Variants in ONECUT2 observed in about 807,000 individuals in gnomAD.
ONECUT2 encodes the protein one cut homeobox 2.
Under a neutral mutation model 27.9 loss-of-function variants are expected in ONECUT2, and 10 were observed. That is an observed-to-expected ratio of 0.36 (90% CI 0.22 to 0.61). The LOEUF is 0.61. ONECUT2 is among the 20% of genes least tolerant of loss of function. ONECUT2 has a pLI of 0.73. For missense variants in ONECUT2, 686 were observed against 721.0 expected (o/e 0.95, Z 0.56); for synonymous variants, 334 against 315.1 (o/e 1.06, Z -0.64).
intron 1 of ONECUT2, among the ~76,000 whole-genome samples, chr18:57,442,928 A>C (rs998490607): frequency 2.0e-5 from 3 of 152,044 alleles, no homozygotes; most frequent in Non-Finnish European, 2.9e-5. Flanking sequence ...AGGGAAGGAG[A>C]GCCAGCCTCT....
intron 1 of ONECUT2, among the ~76,000 whole-genome samples, chr18:57,438,721 G>A (rs1263813210): frequency 2.6e-5 from 4 of 152,158 alleles, no homozygotes; most frequent in Non-Finnish European, 5.9e-5. Context: ...GGCGGACTCC[G>A]GATACTTTGA....
At position 57,476,976 on chromosome 18, in the gene ONECUT2, G is replaced by T. The variant is rs2050386875; in HGVS notation, c.*253G>T. 1 of 486,372 alleles carries T rather than the reference G, an allele frequency of 2.1e-6. No individual in the cohort carries two copies. Among genetic ancestry groups the T allele is most frequent in the East Asian group, 3.7e-5 (1 of 26,988 alleles). The allele number at this position is 486,372 out of a possible 1,614,324, so 30.1% of individuals were successfully genotyped here. A position where few individuals can be genotyped will look rare whatever the true frequency, so the allele number is the denominator to read the frequency against. On this transcript the variant is annotated 3_prime_UTR_variant, in exon 2 of 2. Coordinates refer to ENST00000491143, the MANE Select transcript of ONECUT2 (RefSeq NM_004852.3). ...CTTAGAACCAGACACTGTTCTCTGA[G>T]CATGCTAAGCATCCCAGAAACCCAA...
At chr18:57,474,148 G>C (rs2050369062) in intron 1 of ONECUT2, among the ~76,000 whole-genome samples, 1 of 152,196 alleles carries the variant, frequency 6.6e-6, no homozygotes, top group Non-Finnish European at 1.5e-5. Flanking sequence ...AGAAAGTTTA[G>C]CCAAGCTGAT....
At chr18:57,473,068 G>C (rs2050362705) in intron 1 of ONECUT2, among the ~76,000 whole-genome samples, 1 of 152,210 alleles carries the variant, frequency 6.6e-6, no homozygotes. Context: ...AAGCATAGTG[G>C]TTTCTACATC....
chr18:57,455,255 C>T (rs1308619270), intron 1 of ONECUT2, among the ~76,000 whole-genome samples: 4 of 152,286 alleles, frequency 2.6e-5, no homozygotes, highest in Non-Finnish European at 4.4e-5. Flanking sequence ...AAATTAGGAT[C>T]CTTAACAAGA....
intron 1 of ONECUT2, 85 bp downstream of exon 1, chr18:57,437,029 C>T: frequency 7.4e-6 from 11 of 1,478,100 alleles, no homozygotes; most frequent in Non-Finnish European, 9.0e-6. Context: ...CGCGCCGAGT[C>T]ACTTCTCTTG....
intron 1 of ONECUT2, among the ~76,000 whole-genome samples, chr18:57,462,180 T>C (rs1336101656): frequency 6.6e-6 from 1 of 152,242 alleles, no homozygotes; most frequent in Non-Finnish European, 1.5e-5. Context: ...GAGCATCTTT[T>C]CATGTAATTT....
At chr18:57,467,169 T>C (rs1471349777) in intron 1 of ONECUT2, 1 of 456,500 alleles carries the variant, frequency 2.2e-6, no homozygotes, top group East Asian at 6.9e-5. Flanking sequence ...GAGAATGTCT[T>C]TGAAGCTTGG....
intron 1 of ONECUT2, among the ~76,000 whole-genome samples, chr18:57,461,011 G>A (rs1021074863): frequency 6.6e-6 from 1 of 152,190 alleles, no homozygotes; most frequent in African/African-American, 2.4e-5. Context: ...TCCTCAGCAA[G>A]TAAAAATAAG....
chr18:57,470,753 CCCTTA>C (rs149172950), intron 1 of ONECUT2, among the ~76,000 whole-genome samples: 7,373 of 151,962 alleles, frequency 0.049, 641 homozygotes, highest in East Asian at 0.36. Context: ...GATACTGTCC[CCCTTA>C]CCTTACCCTC....
chr18:57,450,593 A>G (rs1423642373), intron 1 of ONECUT2, among the ~76,000 whole-genome samples: 1 of 152,262 alleles, frequency 6.6e-6, no homozygotes, highest in South Asian at 2.1e-4. Context: ...ATAGAGAAAC[A>G]GGGCTTGTGA....
rs747815050 is a variant in ONECUT2, at chr18:57,436,230, C to T, written c.514C>T (p.Pro172Ser). ...GTCTGACAAGTTCCACCACCCTCAC[C>T]CGCACCACCATCCGCACCACCACCA... ...TVSDKFHHPH[P>S]HHHPHHHHHH... is the part of the protein sequence containing the mutation. The change falls in exon 1 of 2, where the codon CCG (proline) becomes TCG (serine). Residue 172 changes from proline to serine, a missense_variant. Around this residue, in one of 4 missense-constraint regions of ONECUT2, gnomAD observed 511 missense variants for 488.1 expected, o/e 1.05. Transcript: ENST00000491143. This position sits in a 1 kb window ranked among gnomAD's most constrained non-coding sequence, Gnocchi z 5.9. 4.5e-5 allele frequency: 72 copies of T among 1,603,708 alleles called. No individual in the cohort carries two copies. Among genetic ancestry groups the T allele is most frequent in the Non-Finnish European group, 5.9e-5 (69 of 1,177,526 alleles).
In ONECUT2 at chr18:57,487,816, C is replaced by T. The variant is rs1318532437; in HGVS notation, c.*11093C>T. The T allele has an allele frequency of 6.6e-6, 1 of 152,190 alleles. No homozygotes were observed. The highest frequency in any genetic ancestry group is 2.4e-5 in the African/African-American group (1 of 41,450). 9.4% of individuals were successfully genotyped at this position (152,190 alleles called of 1,614,324 possible). ...CATCTTCTTTAAATCCTTCAATTAT[C>T]TGAGGCCTCTATATGTCAAAACTAT... On this transcript the variant is annotated 3_prime_UTR_variant, in exon 2 of 2. Coordinates refer to ENST00000491143, the MANE Select transcript of ONECUT2 (RefSeq NM_004852.3).
chr18:57,438,384 G>A (rs996334263), intron 1 of ONECUT2, among the ~76,000 whole-genome samples: 14 of 152,242 alleles, frequency 9.2e-5, no homozygotes, highest in African/African-American at 3.4e-4. Context: ...TGCATAGCGC[G>A]GGTCTTGGGA....
In ONECUT2 at chr18:57,436,935, C is replaced by G. The variant is rs1482825112; in HGVS notation, c.1219C>G (p.Arg407Gly). 1 of 1,600,550 alleles carries G rather than the reference C, an allele frequency of 6.2e-7. No homozygotes were observed. Among genetic ancestry groups the G allele is most frequent in the Non-Finnish European group, 8.5e-7 (1 of 1,173,892 alleles). ...EPEFQRMSAL[R>G]LAACKRKEQE... is the part of the protein sequence containing the mutation. ...CGAGTTCCAGCGCATGTCCGCCTTACGCCTGGCAGGTAAGGCCGGGGCTAG... is the reference window on the plus strand; with the variant it reads ...CGAGTTCCAGCGCATGTCCGCCTTAGGCCTGGCAGGTAAGGCCGGGGCTAG... The change falls in exon 1 of 2, where the codon CGC becomes GGC. Residue 407 changes from arginine to glycine, a missense_variant. Arg to Gly is a moderately radical substitution (Grantham distance 125). This residue lies in a region of ONECUT2 where 51 missense variants were observed against 41.3 expected (regional missense o/e 1.23). Coordinates refer to ENST00000491143, the MANE Select transcript of ONECUT2 (RefSeq NM_004852.3). This position sits in a 1 kb window ranked among gnomAD's most constrained non-coding sequence, Gnocchi z 5.9.
rs575712991 is a variant in ONECUT2 at position 57,486,962 on chromosome 18, T to C, written c.*10239T>C. 1 of 152,770 alleles carries C rather than the reference T, an allele frequency of 6.5e-6. No individual in the cohort carries two copies. The highest frequency in any genetic ancestry group is 1.9e-4 in the East Asian group (1 of 5,186). The allele number at this position is 152,770 out of a possible 1,614,324, so 9.5% of individuals were successfully genotyped here. A position where few individuals can be genotyped will look rare whatever the true frequency, so the allele number is the denominator to read the frequency against. Reference sequence around the variant, plus strand: ...AATTTAGCAGTGTGATGCATTGTGGTCTTAATAGCAACATTTTTCATTTTG... The same window carrying C: ...AATTTAGCAGTGTGATGCATTGTGGCCTTAATAGCAACATTTTTCATTTTG... On this transcript the variant is annotated 3_prime_UTR_variant, in exon 2 of 2. Transcript: ENST00000491143.
At chr18:57,462,723 CTTTTTTT>C (rs57032206) in intron 1 of ONECUT2, among the ~76,000 whole-genome samples, 35 of 68,998 alleles carry the variant, frequency 5.1e-4, no homozygotes, top group East Asian at 4.3e-4. Context: ...TATTTTCTTT[CTTTTTTT>C]TTTTTTTTTT....
chr18:57,473,130 C>T (rs1206561728), intron 1 of ONECUT2, among the ~76,000 whole-genome samples: 1 of 152,124 alleles, frequency 6.6e-6, no homozygotes, highest in Non-Finnish European at 1.5e-5. Context: ...AACCTTGCCC[C>T]ACATGGTGAA....
In ONECUT2 at chr18:57,478,946, A is replaced by T. The variant is rs1001125636; in HGVS notation, c.*2223A>T. The T allele has an allele frequency of 6.6e-6, 1 of 152,634 alleles. No homozygotes were observed. The highest frequency in any genetic ancestry group is 2.4e-5 in the African/African-American group (1 of 41,464). 9.5% of individuals were successfully genotyped at this position (152,634 alleles called of 1,614,324 possible). On this transcript the variant is annotated 3_prime_UTR_variant, in exon 2 of 2. Coordinates refer to ENST00000491143, the MANE Select transcript of ONECUT2 (RefSeq NM_004852.3). Reference sequence around the variant, plus strand: ...TTGTCTTATGGTTTTTTGCCCCAACATGGAATCTCTCAAAAGTTTCCATGG... The same window carrying T: ...TTGTCTTATGGTTTTTTGCCCCAACTTGGAATCTCTCAAAAGTTTCCATGG...
Sources: gnomAD v4.1 joint callset for allele counts (sites outside exome capture counted in the v4.1 genomes callset) on GRCh38, gnomAD v4.1.1 for gene constraint, gnomAD v4.1.1 regional missense constraint, Gnocchi (gnomAD v3.1) non-coding constraint, MANE v1.5 for transcripts, NCBI Gene and HGNC (gene_info 2026-07-23, HGNC 2026-07-21) for gene names.